DOCK9: variants seen among roughly 807,000 people sequenced by gnomAD.
DOCK9 encodes the protein dedicator of cytokinesis 9.
A neutral mutation model predicts 263.3 loss-of-function variants in DOCK9; 89 were observed. That is an observed-to-expected ratio of 0.34 (90% CI 0.28 to 0.40). The LOEUF (loss-of-function observed/expected upper bound fraction) is 0.40, where lower values mean the gene tolerates loss of function less well. DOCK9 is among the 10% of genes least tolerant of loss of function. The pLI is 1.00. For missense variants in DOCK9, 2,140 were observed against 2,603.4 expected (o/e 0.82, Z 3.87); for synonymous variants, 976 against 973.1 (o/e 1.00, Z -0.06).
chr13:98,826,775 G>T, intron 44 of DOCK9, 55 bp downstream of exon 44: 4 of 1,408,548 alleles, frequency 2.8e-6, no homozygotes, highest in Non-Finnish European at 3.9e-6. Context: ...CTTGTCTGCT[G>T]CTTTGTGTGG....
At chr13:98,886,477 T>G in intron 19 of DOCK9, 55 bp downstream of exon 19, 2 of 1,512,568 alleles carry the variant, frequency 1.3e-6, no homozygotes, top group Non-Finnish European at 9.1e-7. Flanking sequence ...GCAAATACAT[T>G]AAAGTTTCCC....
intron 1 of DOCK9, among the ~76,000 whole-genome samples, chr13:99,003,012 G>T (rs955550009): frequency 6.6e-6 from 1 of 152,052 alleles, no homozygotes; most frequent in Admixed American, 6.5e-5. Flanking sequence ...CTGCTCTTCT[G>T]ATGGAGGGAG....
intron 2 of DOCK9, among the ~76,000 whole-genome samples, chr13:98,938,657 G>C (rs1223560455): frequency 1.3e-5 from 2 of 152,190 alleles, no homozygotes; most frequent in African/African-American, 4.8e-5. Context: ...ATAAGAGTGA[G>C]TATTAACAAA....
At chr13:99,020,966 A>C (rs1260282819) in intron 1 of DOCK9, among the ~76,000 whole-genome samples, 1 of 152,240 alleles carries the variant, frequency 6.6e-6, no homozygotes, top group East Asian at 1.9e-4. Flanking sequence ...TTTAAATGCC[A>C]TTATGATAGC....
intron 30 of DOCK9, among the ~76,000 whole-genome samples, chr13:98,864,503 A>T (rs1237377324): frequency 6.6e-6 from 1 of 152,166 alleles, no homozygotes; most frequent in East Asian, 1.9e-4. Flanking sequence ...TATGGGCCCA[A>T]GTTCTATGAA....
At chr13:98,930,376 C>A in intron 2 of DOCK9, 119 bp from the exon 3 acceptor site, 1 of 799,140 alleles carries the variant, frequency 1.3e-6, no homozygotes, top group Non-Finnish European at 2.1e-6. Context: ...TCCAGTTTCT[C>A]CCATCCAGTG....
chr13:98,909,831 T>C (rs1205433523), intron 9 of DOCK9, among the ~76,000 whole-genome samples: 1 of 152,240 alleles, frequency 6.6e-6, no homozygotes, highest in African/African-American at 2.4e-5. Flanking sequence ...CTGCTGAGCA[T>C]GGCCCTTGAT....
At chr13:99,079,486 ATCT>A (rs2042041813) in intron 1 of DOCK9, among the ~76,000 whole-genome samples, 1 of 152,220 alleles carries the variant, frequency 6.6e-6, no homozygotes, top group African/African-American at 2.4e-5. Flanking sequence ...AAGATAATCA[ATCT>A]TCTCCTTTAG....
At chr13:98,815,573 C>T (rs754822690) in intron 45 of DOCK9, among the ~76,000 whole-genome samples, 1 of 152,126 alleles carries the variant, frequency 6.6e-6, no homozygotes, top group East Asian at 1.9e-4. Flanking sequence ...CTCTGCCTCC[C>T]GGGTTCATGG....
chr13:98,853,980 C>A (rs1204669409), intron 34 of DOCK9, among the ~76,000 whole-genome samples: 4 of 152,170 alleles, frequency 2.6e-5, no homozygotes, highest in Non-Finnish European at 5.9e-5. Flanking sequence ...GACCAAAGCA[C>A]CCCAGAACCT....
chr13:98,830,684 C>G (rs1359506693), intron 41 of DOCK9, among the ~76,000 whole-genome samples: 1 of 152,216 alleles, frequency 6.6e-6, no homozygotes, highest in African/African-American at 2.4e-5. Context: ...TCAAGTTCCT[C>G]TACAATAACA....
In DOCK9 at chr13:98,954,260, AG is replaced by A. The variant is rs373283228; in HGVS notation, c.243+1174del. ...CAGTGAAGCTTAAAAAAAAAAAGGC[AG>A]CTCGATTCACAAAAGACAGGGCTTA... On this transcript the variant is annotated intron_variant, in intron 2 of 52. Coordinates refer to ENST00000682017, the MANE Select transcript of DOCK9 (RefSeq NM_001366683.2). Among the ~76,000 whole-genome samples the A allele has an allele frequency of 2.5e-3, 380 of 152,066 alleles. 2 individuals carry two copies. Among genetic ancestry groups the A allele is most frequent in the African/African-American group, 8.9e-3 (370 of 41,520 alleles).
chr13:98,907,411 G>A (rs988670934), intron 9 of DOCK9, among the ~76,000 whole-genome samples: 1 of 152,186 alleles, frequency 6.6e-6, no homozygotes, highest in African/African-American at 2.4e-5. Flanking sequence ...ACTATGCTAG[G>A]AGATAAGAAA....
chr13:98,855,939 G>C lies in DOCK9; in HGVS notation c.3790C>G (p.Leu1264Val), dbSNP rs546211715. The change falls in exon 34 of 53, where the codon CTT becomes GTT. Residue 1264 changes from leucine to valine, a missense_variant. Leu to Val is a conservative substitution (Grantham distance 32). Transcript: ENST00000682017. The part of the protein sequence containing the change: ...SLISTDSGNS[L>V]PERNSEKSNS... Reference sequence around the variant, plus strand: ...CTCTTCTCACTATTCCTTTCTGGAAGGCTGTTACCCGAATCTGTGCTTATG... The same window carrying C: ...CTCTTCTCACTATTCCTTTCTGGAACGCTGTTACCCGAATCTGTGCTTATG... 6.2e-7 allele frequency: 1 copy of C among 1,613,978 alleles called. No homozygotes were observed. The highest frequency in any genetic ancestry group is 2.2e-5 in the East Asian group (1 of 44,876).
chr13:99,031,123 TA>T (rs1555297072), intron 1 of DOCK9, among the ~76,000 whole-genome samples: 12 of 151,648 alleles, frequency 7.9e-5, no homozygotes, highest in African/African-American at 1.5e-4. Context: ...ATGTTTTTTT[TA>T]AAAAAAAGTA....
intron 36 of DOCK9, among the ~76,000 whole-genome samples, chr13:98,849,627 A>G (rs2093502669): frequency 6.6e-6 from 1 of 152,124 alleles, no homozygotes; most frequent in African/African-American, 2.4e-5. Context: ...ATACTGACAA[A>G]CCAAAATGAG....
At position 98,794,459 on chromosome 13, in the gene DOCK9, CA is replaced by C; in HGVS notation, c.*166del. The C allele has an allele frequency of 1.4e-6, 1 of 720,982 alleles. No individual in the cohort carries two copies. The allele number at this position is 720,982 out of a possible 1,614,324, so 44.7% of individuals were successfully genotyped here. ...TTAAAAAAATATGTGCACCTTCTTA[CA>C]ACTCCTATAGAAAGTCTGTTAAGAA... On this transcript the variant is annotated 3_prime_UTR_variant, in exon 53 of 53. Transcript: ENST00000682017.
At chr13:98,956,403 AC>A (rs2058067604) in intron 1 of DOCK9, among the ~76,000 whole-genome samples, 3 of 152,198 alleles carry the variant, frequency 2.0e-5, no homozygotes, top group African/African-American at 4.8e-5. Context: ...AACTAACTAT[AC>A]TACAGTATGC....
chr13:98,922,360 C>T (rs1475296099), intron 5 of DOCK9, among the ~76,000 whole-genome samples: 1 of 152,130 alleles, frequency 6.6e-6, no homozygotes, highest in Non-Finnish European at 1.5e-5. Flanking sequence ...AACTTTATTC[C>T]ATTAAAGGCA....
Sources: allele counts gnomAD v4.1 joint callset (sites outside exome capture counted in the v4.1 genomes callset), GRCh38; gene constraint gnomAD v4.1.1; transcripts MANE v1.5; gene names NCBI Gene and HGNC (gene_info 2026-07-23, HGNC 2026-07-21).